The following ADGRL3 variants were observed in gnomAD, a reference collection of about 807,000 sequenced individuals.
The protein encoded by ADGRL3 is calcium-independent alpha-latrotoxin receptor 3.
A neutral mutation model predicts 153.5 loss-of-function variants in ADGRL3; 62 were observed. The ratio of observed to expected loss-of-function variants is 0.40; its 90% confidence interval spans 0.33 to 0.50. The LOEUF (loss-of-function observed/expected upper bound fraction) is 0.50, where lower values mean the gene tolerates loss of function less well. Ranked by LOEUF, ADGRL3 falls within the 20% of genes least tolerant of loss-of-function variation. The pLI is 0.47. For synonymous variants in ADGRL3, 710 were observed against 672.5 expected (o/e 1.06, Z -0.86); for missense variants, 1,641 against 1,859.4 (o/e 0.88, Z 2.16).
chr4:61,823,028 A>C (rs2097769665), intron 9 of ADGRL3, among the ~76,000 whole-genome samples: 1 of 152,144 alleles, frequency 6.6e-6, no homozygotes, highest in Non-Finnish European at 1.5e-5. Flanking sequence ...GTTCCAGAGA[A>C]AAGAAAGTCA....
intron 5 of ADGRL3, among the ~76,000 whole-genome samples, chr4:61,671,094 C>T (rs913602992): frequency 1.3e-5 from 2 of 152,068 alleles, no homozygotes; most frequent in African/African-American, 2.4e-5. Flanking sequence ...CTAAACAGCC[C>T]CTACCTGCCT....
At chr4:61,364,995 G>A (rs1169151246) in intron 1 of ADGRL3, among the ~76,000 whole-genome samples, 1 of 151,868 alleles carries the variant, frequency 6.6e-6, no homozygotes, top group Non-Finnish European at 1.5e-5. Context: ...ATTTCTAGAG[G>A]GATCATTAAA....
At chr4:61,477,029 A>G (rs1336231935) in intron 2 of ADGRL3, among the ~76,000 whole-genome samples, 1 of 152,090 alleles carries the variant, frequency 6.6e-6, no homozygotes, top group Non-Finnish European at 1.5e-5. Context: ...AAATGAAAAA[A>G]TATTTTACTA....
At chr4:61,708,176 G>T (rs1296021851) in intron 6 of ADGRL3, among the ~76,000 whole-genome samples, 1 of 151,996 alleles carries the variant, frequency 6.6e-6, no homozygotes, top group Non-Finnish European at 1.5e-5. Flanking sequence ...AGTATCATGT[G>T]AATTTATATT....
intron 1 of ADGRL3, among the ~76,000 whole-genome samples, chr4:61,322,468 G>A (rs1196502199): frequency 2.0e-5 from 3 of 152,134 alleles, no homozygotes; most frequent in Non-Finnish European, 4.4e-5. Context: ...CTGAGACAAG[G>A]CAAAACCCTT....
chr4:61,848,103 A>T lies in ADGRL3; in HGVS notation c.1480+34214A>T, dbSNP rs527493930. ...TTATATATATAATATAAAATATATTATATAATATATATATTAGAGGAGCAG... is the reference window on the plus strand; with the variant it reads ...TTATATATATAATATAAAATATATTTTATAATATATATATTAGAGGAGCAG... On this transcript the variant is annotated intron_variant, in intron 9 of 26. Coordinates refer to ENST00000683033, the MANE Select transcript of ADGRL3 (RefSeq NM_001387552.1). Among the ~76,000 whole-genome samples, 191 of 105,092 alleles carry T rather than the reference A, an allele frequency of 1.8e-3. 2 individuals carry two copies. The highest frequency in any genetic ancestry group is 7.0e-3 in the African/African-American group (188 of 26,782). The allele number at this position is 105,092 out of a possible 152,430, so 68.9% of individuals were successfully genotyped here. A position where few individuals can be genotyped will look rare whatever the true frequency, so the allele number is the denominator to read the frequency against.
At chr4:61,402,314 T>A (rs2152121167) in intron 2 of ADGRL3, among the ~76,000 whole-genome samples, 1 of 152,240 alleles carries the variant, frequency 6.6e-6, no homozygotes, top group South Asian at 2.1e-4. Context: ...AGTGCTTAAA[T>A]ATTCAAAAAA....
intron 2 of ADGRL3, among the ~76,000 whole-genome samples, chr4:61,453,698 C>T (rs1165203947): frequency 1.3e-5 from 2 of 152,002 alleles, no homozygotes; most frequent in Non-Finnish European, 2.9e-5. Context: ...TACCTAGTAC[C>T]TCAAGCTTGT....
chr4:61,593,349 T>G (rs1430314979), intron 5 of ADGRL3, among the ~76,000 whole-genome samples: 1 of 152,046 alleles, frequency 6.6e-6, no homozygotes, highest in African/African-American at 2.4e-5. Context: ...CCAGGGAGGT[T>G]TTTTTTGTTG....
At chr4:61,941,340 T>C (rs1463864507) in intron 15 of ADGRL3, among the ~76,000 whole-genome samples, 3 of 112,868 alleles carry the variant, frequency 2.7e-5, no homozygotes, top group African/African-American at 3.5e-5. Flanking sequence ...TGTAGCCTTG[T>C]AGTATAGTTT....
chr4:61,861,779 G>C (rs769275375), intron 9 of ADGRL3, among the ~76,000 whole-genome samples: 1 of 152,032 alleles, frequency 6.6e-6, no homozygotes, highest in Non-Finnish European at 1.5e-5. Context: ...AGGTGACTTC[G>C]GTGAATGGAA....
chr4:61,924,778 T>C (rs1028783410), intron 13 of ADGRL3, among the ~76,000 whole-genome samples: 2 of 152,240 alleles, frequency 1.3e-5, no homozygotes, highest in Non-Finnish European at 2.9e-5. Flanking sequence ...TGTCTTTTTT[T>C]GAATTGTTAC....
chr4:61,971,628 G>A (rs1263049625), intron 17 of ADGRL3, among the ~76,000 whole-genome samples: 3 of 152,038 alleles, frequency 2.0e-5, no homozygotes, highest in Admixed American at 1.3e-4. Flanking sequence ...ACATGTGCAT[G>A]TGTCTTTATA....
At chr4:61,696,383 G>T (rs2095642849) in intron 6 of ADGRL3, among the ~76,000 whole-genome samples, 1 of 152,090 alleles carries the variant, frequency 6.6e-6, no homozygotes, top group Non-Finnish European at 1.5e-5. Flanking sequence ...TTATGGTAAT[G>T]TTCCTTTTGT....
intron 6 of ADGRL3, among the ~76,000 whole-genome samples, chr4:61,723,462 A>G (rs1274993518): frequency 6.6e-6 from 1 of 152,148 alleles, no homozygotes; most frequent in African/African-American, 2.4e-5. Flanking sequence ...TGAACAGATA[A>G]AAACCCCTGC....
chr4:61,323,750 A>G (rs559226904), intron 1 of ADGRL3, among the ~76,000 whole-genome samples: 7 of 152,226 alleles, frequency 4.6e-5, no homozygotes, highest in Admixed American at 1.3e-4. Flanking sequence ...GTGGTTCCAA[A>G]CTTTCCTACA....
At chr4:61,757,705 G>A (rs1164388822) in intron 8 of ADGRL3, among the ~76,000 whole-genome samples, 1 of 151,990 alleles carries the variant, frequency 6.6e-6, no homozygotes, top group Non-Finnish European at 1.5e-5. Flanking sequence ...TCTTTTAATT[G>A]TGATGTTAGG....
intron 1 of ADGRL3, among the ~76,000 whole-genome samples, chr4:61,284,109 G>A (rs934784848): frequency 4.0e-5 from 6 of 151,834 alleles, no homozygotes; most frequent in South Asian, 2.1e-4. Flanking sequence ...CTTCCATGGC[G>A]TCTTAATTGA....
At chr4:61,204,301 G>T (rs549184237) in intron 1 of ADGRL3, among the ~76,000 whole-genome samples, 1 of 152,250 alleles carries the variant, frequency 6.6e-6, no homozygotes, top group African/African-American at 2.4e-5. Flanking sequence ...AGAAAACTTA[G>T]AAAATTTTGA....
Sources: allele counts gnomAD v4.1 joint callset (sites outside exome capture counted in the v4.1 genomes callset), GRCh38; gene constraint gnomAD v4.1.1; transcripts MANE v1.5; gene names NCBI Gene and HGNC (gene_info 2026-07-23, HGNC 2026-07-21).